AGAP5: variants seen among roughly 807,000 people sequenced by gnomAD.
The protein encoded by AGAP5 is ArfGAP with GTPase domain, ankyrin repeat and PH domain 5, also known as arf-GAP with GTPase, ANK repeat and PH domain-containing protein 5.
A neutral mutation model predicts 27.7 loss-of-function variants in AGAP5; 8 were observed. The ratio of observed to expected loss-of-function variants is 0.29; its 90% CI spans 0.17 to 0.52. AGAP5 has a LOEUF of 0.52. Among genes scored for constraint, AGAP5 ranks in the 20% least tolerant of loss-of-function variants. The probability of loss-of-function intolerance (pLI) is 0.97; values close to 1 mark genes in which losing one functional copy is unlikely to be tolerated. For synonymous variants in AGAP5, 111 were observed against 338.0 expected, an observed-to-expected ratio of 0.33 and a Z score of 7.37; for missense variants, 285 against 880.8, an observed-to-expected ratio of 0.32 and a Z score of 8.56.
At chr10:73,694,973 T>C (rs913503012) in intron 2 of AGAP5, among the ~76,000 whole-genome samples, 169 bp from the exon 3 acceptor site, 1 of 152,036 alleles carries the variant, frequency 6.6e-6, no homozygotes, top group African/African-American at 2.4e-5. Flanking sequence ...TGGCACATGC[T>C]TGTAGTCCCA....
At chr10:73,694,258 A>G (rs1203012496) in intron 3 of AGAP5, among the ~76,000 whole-genome samples, 1 of 152,228 alleles carries the variant, frequency 6.6e-6, no homozygotes, top group Non-Finnish European at 1.5e-5. Flanking sequence ...TGGTAAATGA[A>G]TGTGGTCAGA....
At chr10:73,692,157 C>T in intron 3 of AGAP5, 80 bp from the exon 4 acceptor site, 2 of 538,896 alleles carry the variant, frequency 3.7e-6, no homozygotes, top group East Asian at 3.4e-5. Context: ...TTACTGATTA[C>T]TCCTATGTAA....
intron 4 of AGAP5, among the ~76,000 whole-genome samples, chr10:73,689,163 T>A (rs1418787602): frequency 1.3e-5 from 2 of 152,240 alleles, no homozygotes; most frequent in African/African-American, 4.8e-5. Flanking sequence ...GTGTTCGTAT[T>A]TTTTTGGTGG....
intron 7 of AGAP5, 115 bp from the exon 8 acceptor site, chr10:73,676,189 G>A (rs2132438463): frequency 2.6e-6 from 4 of 1,535,364 alleles, no homozygotes; most frequent in Middle Eastern, 2.4e-4. Flanking sequence ...AGGCATGGTG[G>A]CTCACACCTG....
In AGAP5 at chr10:73,674,906, A is replaced by C; in HGVS notation, c.1754T>G (p.Leu585Arg). ...LFLAPLPCTE[L>R]SLGQHLLRAT... ...CCGCAGCAGGTGCTGGCCCAGGGAC[A>C]GCTCAGTGCAGGGTAGTGGGGCCAG... Residue 585 changes from leucine (L) to arginine (R), a missense_variant, in exon 8 of 8, where the codon CTG (leucine) becomes CGG (arginine). Coordinates refer to ENST00000374094, the MANE Select transcript of AGAP5 (RefSeq NM_001144000.4). 1 of 1,612,436 alleles carries C rather than the reference A, an allele frequency of 6.2e-7. No individual in the cohort carries two copies. Among genetic ancestry groups the C allele is most frequent in the East Asian group, 2.2e-5 (1 of 44,884 alleles).
chr10:73,697,461 C>T lies in AGAP5; in HGVS notation c.223+72G>A, dbSNP rs139830271. The stretch of plus-strand genomic sequence containing the variant: ...GAAAGGAGCTCAAAGTGGGGGATGC[C>T]GTAAAGGGAACCTTGGGGACAGCAG... On this transcript the variant is annotated intron_variant, in intron 1 of 7. Transcript: ENST00000374094. The T allele has an allele frequency of 2.6e-3, 4,219 of 1,601,454 alleles. 101 individuals carry two copies. The African/African-American group carries it at 0.05, about 19-fold the overall frequency.
intron 4 of AGAP5, among the ~76,000 whole-genome samples, chr10:73,685,530 C>G (rs1435487734): frequency 6.6e-6 from 1 of 151,268 alleles, no homozygotes; most frequent in Admixed American, 6.6e-5. Context: ...TGGTATGAAA[C>G]CCATTTGATC....
chr10:73,674,887 C>T lies in AGAP5; in HGVS notation c.1773G>A (p.Leu591=), dbSNP rs557330725. 3 of 1,612,138 alleles carry T rather than the reference C, an allele frequency of 1.9e-6. No individual in the cohort carries two copies. The highest frequency in any genetic ancestry group is 1.7e-5 in the Admixed American group (1 of 59,998). The stretch of plus-strand genomic sequence containing the variant: ...GGTCCTCATCAGCGGTGGCCCGCAG[C>T]AGGTGCTGGCCCAGGGACAGCTCAG... ...PCTELSLGQH[L]LRATADEDLQ... is the part of the protein sequence containing the mutation. The change falls in exon 8 of 8, where the codon CTG becomes CTA. Residue 591 remains leucine (L), a synonymous_variant. Coordinates refer to ENST00000374094, the MANE Select transcript of AGAP5 (RefSeq NM_001144000.4).
At chr10:73,687,730 A>C (rs1187322286) in intron 4 of AGAP5, among the ~76,000 whole-genome samples, 1 of 152,214 alleles carries the variant, frequency 6.6e-6, no homozygotes, top group Non-Finnish European at 1.5e-5. Flanking sequence ...ATTTGGATTA[A>C]ATATAATAGA....
chr10:73,690,397 A>G (rs2082107208), intron 4 of AGAP5, among the ~76,000 whole-genome samples: 1 of 152,148 alleles, frequency 6.6e-6, no homozygotes, highest in Admixed American at 6.5e-5. Context: ...TGTTAAACAG[A>G]TGCTTGAAGG....
At chr10:73,694,304 A>G (rs1377321171) in intron 3 of AGAP5, among the ~76,000 whole-genome samples, 1 of 152,224 alleles carries the variant, frequency 6.6e-6, no homozygotes, top group Non-Finnish European at 1.5e-5. Context: ...CACAGATTCA[A>G]TCCCTGATGA....
chr10:73,689,447 C>G (rs1463641160), intron 4 of AGAP5, among the ~76,000 whole-genome samples: 1 of 150,574 alleles, frequency 6.6e-6, no homozygotes, highest in Non-Finnish European at 1.5e-5. Flanking sequence ...CCTGGCCGCC[C>G]CATCGTCTGG....
chr10:73,681,414 A>G (rs559200528), intron 5 of AGAP5: 2 of 985,496 alleles, frequency 2.0e-6, no homozygotes, highest in South Asian at 9.4e-5. Context: ...AAAACCTTGC[A>G]TAAGTGATCT....
chr10:73,683,549 C>T (rs1254009772), intron 4 of AGAP5, among the ~76,000 whole-genome samples: 1 of 111,672 alleles, frequency 9.0e-6, no homozygotes, highest in East Asian at 2.5e-4. Flanking sequence ...GCAAGCTCCG[C>T]CTCCCGGGTT....
At chr10:73,678,238 A>G (rs940899497) in intron 6 of AGAP5, among the ~76,000 whole-genome samples, 5 of 152,188 alleles carry the variant, frequency 3.3e-5, no homozygotes, top group Admixed American at 3.3e-4. Context: ...TATCAAACAT[A>G]TAAGAAAATT....
intron 2 of AGAP5, among the ~76,000 whole-genome samples, chr10:73,696,878 G>A (rs1381306490): frequency 6.6e-6 from 1 of 152,180 alleles, no homozygotes; most frequent in Non-Finnish European, 1.5e-5. Flanking sequence ...AATAGGAACT[G>A]TCCTGAGATT....
At chr10:73,695,802 A>G (rs2132463345) in intron 2 of AGAP5, among the ~76,000 whole-genome samples, 1 of 152,104 alleles carries the variant, frequency 6.6e-6, no homozygotes, top group South Asian at 2.1e-4. Flanking sequence ...CAATAAGCCA[A>G]CTGGATTTAA....
chr10:73,683,453 A>AATTT (rs757360299), intron 4 of AGAP5, among the ~76,000 whole-genome samples: 124 of 121,060 alleles, frequency 1.0e-3, no homozygotes, highest in Non-Finnish European at 1.4e-3. Flanking sequence ...TTAATTAATT[A>AATTT]ATTTATTTAT....
chr10:73,692,869 T>C (rs543814513), intron 3 of AGAP5, among the ~76,000 whole-genome samples: 5 of 151,970 alleles, frequency 3.3e-5, no homozygotes, highest in Non-Finnish European at 7.4e-5. Flanking sequence ...ATGGTCTTGA[T>C]CTCCTAACCT....
Sources: allele counts gnomAD v4.1 joint callset (sites outside exome capture counted in the v4.1 genomes callset), GRCh38; gene constraint gnomAD v4.1.1; transcripts MANE v1.5; gene names NCBI Gene and HGNC (gene_info 2026-07-23, HGNC 2026-07-21).